The following NRXN1 variants were observed in gnomAD, a reference collection of about 807,000 sequenced individuals.
NRXN1 encodes neurexin-1.
In NRXN1, 39 loss-of-function variants were observed where a neutral mutation model predicts 150.9. That is an observed-to-expected ratio of 0.26 (90% CI 0.20 to 0.34). The LOEUF is 0.34. Ranked by LOEUF, NRXN1 falls within the 10% of genes least tolerant of loss-of-function variation. The pLI is 1.00. For synonymous variants in NRXN1, 924 were observed against 757.0 expected (o/e 1.22, Z -3.62); for missense variants, 1,815 against 1,949.9 (o/e 0.93, Z 1.30).
At chr2:50,601,996 A>T (rs1676356545) in intron 8 of NRXN1, among the ~76,000 whole-genome samples, 1 of 152,204 alleles carries the variant, frequency 6.6e-6, no homozygotes, top group Non-Finnish European at 1.5e-5. Flanking sequence ...CAAGAATCAT[A>T]AGACCCAGTT....
chr2:50,314,943 C>T (rs2075472205), intron 17 of NRXN1, among the ~76,000 whole-genome samples: 2 of 151,736 alleles, frequency 1.3e-5, no homozygotes, highest in Non-Finnish European at 2.9e-5. Flanking sequence ...CCCAACTTAC[C>T]CAGCTTTGGA....
At chr2:50,267,990 G>C (rs1025531980) in intron 17 of NRXN1, among the ~76,000 whole-genome samples, 2 of 152,060 alleles carry the variant, frequency 1.3e-5, no homozygotes, top group Non-Finnish European at 2.9e-5. Flanking sequence ...AGGAGTTTGC[G>C]ACCAGCCTGG....
At position 51,027,550 on chromosome 2, in the gene NRXN1, C is replaced by T. The variant is rs878854254; in HGVS notation, c.724G>A (p.Val242Met). The change falls in exon 2 of 23, where the codon GTG becomes ATG. Residue 242 changes from valine to methionine, a missense_variant. By Grantham distance (21) the Val-to-Met change is conservative. Around this residue, in one of 6 missense-constraint regions of NRXN1, gnomAD observed 554 missense variants for 478.8 expected, o/e 1.16. Coordinates refer to ENST00000401669, the MANE Select transcript of NRXN1 (RefSeq NM_001330078.2). ...AAGCCGGTTCGCGAGCAGTCGCACA[C>T]GGCCTGGTCGTCCACCACGGAGCAC... ...GVCSVVDDQA[V>M]CDCSRTGFRG... 1 of 1,590,588 alleles carries T rather than the reference C, an allele frequency of 6.3e-7. No homozygotes were observed. The highest frequency in any genetic ancestry group is 8.6e-7 in the Non-Finnish European group (1 of 1,164,666).
intron 5 of NRXN1, among the ~76,000 whole-genome samples, chr2:50,711,626 G>A (rs536279121): frequency 6.6e-5 from 10 of 151,962 alleles, no homozygotes; most frequent in East Asian, 5.8e-4. Context: ...ATAAGCCACC[G>A]CACCTGGGCT....
chr2:50,141,749 C>G (rs1462254662), intron 18 of NRXN1, among the ~76,000 whole-genome samples: 1 of 151,984 alleles, frequency 6.6e-6, no homozygotes, highest in Non-Finnish European at 1.5e-5. Context: ...AAATCCAAAC[C>G]TCCATCAGAT....
chr2:50,765,213 G>C (rs147689502), intron 5 of NRXN1, among the ~76,000 whole-genome samples: 179 of 152,036 alleles, frequency 1.2e-3, no homozygotes, highest in African/African-American at 4.1e-3. Context: ...TCCTGTTCTA[G>C]TACGCTTTAC....
chr2:49,927,332 A>G (rs916996227), intron 22 of NRXN1, among the ~76,000 whole-genome samples: 4 of 152,230 alleles, frequency 2.6e-5, no homozygotes, highest in Non-Finnish European at 5.9e-5. Flanking sequence ...CACTAATTTA[A>G]AAGACTTTTG....
chr2:50,206,858 TAC>T lies in NRXN1; in HGVS notation c.3546+29929_3546+29930del, dbSNP rs141744961. Among the ~76,000 whole-genome samples, 557 of 149,400 alleles carry T rather than the reference TAC, an allele frequency of 3.7e-3. 2 individuals carry two copies. Among genetic ancestry groups the T allele is most frequent in the African/African-American group, 0.013 (526 of 40,734 alleles). On this transcript the variant is annotated intron_variant, in intron 18 of 22. Coordinates refer to ENST00000401669, the MANE Select transcript of NRXN1 (RefSeq NM_001330078.2). Reference sequence around the variant, plus strand: ...ATTACACAAACAATGTGTGTGTATATACACACACACACAGAAATGGGCAGTAC... The same window carrying T: ...ATTACACAAACAATGTGTGTGTATATACACACACACAGAAATGGGCAGTAC...
In NRXN1 at chr2:50,487,894, G is replaced by T. The variant is rs1476007292; in HGVS notation, c.3070+8011C>A. ...AAAATCTAAGGTCCTCCTTCTTCTG[G>T]CATTTCCTGTGAATTCCTGGGAACC... On this transcript the variant is annotated intron_variant, in intron 15 of 22. Coordinates refer to ENST00000401669, the MANE Select transcript of NRXN1 (RefSeq NM_001330078.2). Among the ~76,000 whole-genome samples the T allele has an allele frequency of 3.9e-5, 6 of 152,060 alleles. 1 individual carries two copies. The East Asian group carries it at 1.2e-3, about 29-fold the overall frequency.
intron 5 of NRXN1, among the ~76,000 whole-genome samples, chr2:50,908,750 T>TAA (rs1684094424): frequency 6.6e-6 from 1 of 152,036 alleles, no homozygotes; most frequent in African/African-American, 2.4e-5. Flanking sequence ...AAGTGGGTCC[T>TAA]TTAGGAGGTA....
chr2:50,737,428 A>C (rs190109395), intron 5 of NRXN1, among the ~76,000 whole-genome samples: 1 of 152,288 alleles, frequency 6.6e-6, no homozygotes, highest in East Asian at 1.9e-4. Context: ...GACAGAGGAT[A>C]TTATTCTCCT....
rs148988922 is a variant in NRXN1 at position 50,693,945 on chromosome 2, C to T, written c.833-70330G>A. Among the ~76,000 whole-genome samples the T allele has an allele frequency of 6.4e-4, 98 of 152,222 alleles. 2 individuals carry two copies. Among genetic ancestry groups the T allele is most frequent in the African/African-American group, 2.3e-3 (95 of 41,544 alleles). The stretch of plus-strand genomic sequence containing the variant: ...TATCTGGAACTATAGGTATCCACTA[C>T]CATGGTCGGCTAATTGTTTTTATTT... On this transcript the variant is annotated intron_variant, in intron 5 of 22. Coordinates refer to ENST00000401669, the MANE Select transcript of NRXN1 (RefSeq NM_001330078.2).
chr2:50,627,931 G>T (rs554945848), intron 5 of NRXN1, among the ~76,000 whole-genome samples: 43 of 151,330 alleles, frequency 2.8e-4, no homozygotes, highest in African/African-American at 9.9e-4. Flanking sequence ...GAAAAAAAGA[G>T]AAAAAAAACT....
chr2:50,521,862 C>T (rs939341795), intron 12 of NRXN1, among the ~76,000 whole-genome samples: 1 of 152,150 alleles, frequency 6.6e-6, no homozygotes, highest in Non-Finnish European at 1.5e-5. Context: ...GCAACTGGAT[C>T]ATCTGCCACC....
chr2:50,927,980 G>C (rs545729596), intron 2 of NRXN1, among the ~76,000 whole-genome samples: 43 of 152,058 alleles, frequency 2.8e-4, no homozygotes, highest in African/African-American at 9.2e-4. Context: ...AGGAGTTCAA[G>C]GTCACTGATT....
rs953694764 is a variant in NRXN1, at chr2:50,582,727, C to T, written c.1321-29702G>A. 4.6e-5 allele frequency among the ~76,000 whole-genome samples: 7 copies of T among 151,298 alleles called. No individual in the cohort carries two copies. The East Asian group carries it at 1.4e-3, about 29-fold the overall frequency. On this transcript the variant is annotated intron_variant, in intron 8 of 22. Coordinates refer to ENST00000401669, the MANE Select transcript of NRXN1 (RefSeq NM_001330078.2). ...TAGGTTTGTGTTTATTTCTAAAATA[C>T]TTATATGACAAAAGTACTACCTCAT... is the stretch of plus-strand genomic sequence containing the variant.
chr2:50,961,383 C>T (rs1403847072), intron 2 of NRXN1, among the ~76,000 whole-genome samples: 2 of 151,480 alleles, frequency 1.3e-5, no homozygotes, highest in African/African-American at 4.8e-5. Flanking sequence ...CACACTCTAA[C>T]CACTAGAAAA....
intron 17 of NRXN1, among the ~76,000 whole-genome samples, chr2:50,400,107 T>A (rs2082302364): frequency 6.6e-6 from 1 of 152,030 alleles, no homozygotes; most frequent in Non-Finnish European, 1.5e-5. Flanking sequence ...TTGGTTCCTC[T>A]ACAGATTGTT....
rs1704287993 is a variant in NRXN1 at position 50,781,044 on chromosome 2, C to G, written c.832+140825G>C. On this transcript the variant is annotated intron_variant, in intron 5 of 22. Coordinates refer to ENST00000401669, the MANE Select transcript of NRXN1 (RefSeq NM_001330078.2). The stretch of plus-strand genomic sequence containing the variant: ...AATGCTAGCACAAAATTCCAGAATC[C>G]TAGGCCAGAGATGAAGTTCATTACT... Among the ~76,000 whole-genome samples the G allele has an allele frequency of 2.0e-5, 3 of 152,128 alleles. No homozygotes were observed. The South Asian group carries it at 6.2e-4, about 32-fold the overall frequency.
Sources: gnomAD v4.1 joint callset for allele counts (sites outside exome capture counted in the v4.1 genomes callset) on GRCh38, gnomAD v4.1.1 for gene constraint, gnomAD v4.1.1 regional missense constraint, MANE v1.5 for transcripts, NCBI Gene and HGNC (gene_info 2026-07-23, HGNC 2026-07-21) for gene names.